DNAH8: variants seen among roughly 807,000 people sequenced by gnomAD.
DNAH8 encodes axonemal beta dynein heavy chain 8.
Under a neutral mutation model 562.1 loss-of-function variants are expected in DNAH8, and 382 were observed. The ratio of observed to expected loss-of-function variants is 0.68; its 90% CI spans 0.63 to 0.74. The LOEUF is 0.74. Ranked by LOEUF, DNAH8 falls within the 30% of genes least tolerant of loss-of-function variation. DNAH8 has a pLI of 0.00. For synonymous variants in DNAH8, 1,881 were observed against 1,919.4 expected, an observed-to-expected ratio of 0.98 and a Z score of 0.52; for missense variants, 5,203 against 5,620.4, an observed-to-expected ratio of 0.93 and a Z score of 2.37.
chr6:38,790,479 G>C (rs1769626428), intron 20 of DNAH8, 74 bp downstream of exon 20: 1 of 718,334 alleles, frequency 1.4e-6, no homozygotes, highest in African/African-American at 1.8e-5. Context: ...TATTATGAAA[G>C]CTCTTTAAAG....
At chr6:38,848,388 C>A (rs529082135) in intron 36 of DNAH8, among the ~76,000 whole-genome samples, 2 of 152,262 alleles carry the variant, frequency 1.3e-5, no homozygotes, top group South Asian at 4.1e-4. Flanking sequence ...TTTGCTGGAC[C>A]TATGCACCAT....
chr6:38,738,646 A>G (rs1469313859), intron 7 of DNAH8, among the ~76,000 whole-genome samples: 1 of 152,198 alleles, frequency 6.6e-6, no homozygotes, highest in East Asian at 1.9e-4. Context: ...ATCTTCAGTT[A>G]TGTGAGGATC....
intron 16 of DNAH8, 77 bp from the exon 17 acceptor site, chr6:38,782,927 A>AT: frequency 1.5e-6 from 2 of 1,302,640 alleles, no homozygotes; most frequent in South Asian, 1.4e-5. Flanking sequence ...ATCATTTTAC[A>AT]TATAAGTACT....
At chr6:38,807,124 G>A (rs989973289) in intron 23 of DNAH8, among the ~76,000 whole-genome samples, 1 of 152,160 alleles carries the variant, frequency 6.6e-6, no homozygotes, top group Non-Finnish European at 1.5e-5. Context: ...TGTGGAGAGA[G>A]GGTCAAACCG....
intron 62 of DNAH8, among the ~76,000 whole-genome samples, chr6:38,901,814 G>A (rs1381601055): frequency 1.3e-5 from 2 of 152,048 alleles, no homozygotes; most frequent in African/African-American, 4.8e-5. Context: ...CAAATAAGTA[G>A]GTATTAATTT....
chr6:38,802,251 GT>G (rs1249926662), intron 21 of DNAH8, among the ~76,000 whole-genome samples: 2 of 151,090 alleles, frequency 1.3e-5, no homozygotes, highest in East Asian at 3.9e-4. Flanking sequence ...TTACTTTTAC[GT>G]TTTTTTTTTA....
intron 32 of DNAH8, among the ~76,000 whole-genome samples, chr6:38,836,104 G>A (rs1490575795): frequency 1.3e-5 from 2 of 152,138 alleles, no homozygotes; most frequent in Non-Finnish European, 2.9e-5. Context: ...TCCAACTTGG[G>A]CATATTGACG....
At chr6:38,904,998 C>T (rs1247825965) in intron 62 of DNAH8, among the ~76,000 whole-genome samples, 1 of 152,138 alleles carries the variant, frequency 6.6e-6, no homozygotes, top group Non-Finnish European at 1.5e-5. Flanking sequence ...TGTGTTGTGA[C>T]TGTCTCTATG....
chr6:38,966,408 T>C (rs1454780364), intron 82 of DNAH8, among the ~76,000 whole-genome samples: 2 of 152,156 alleles, frequency 1.3e-5, no homozygotes, highest in African/African-American at 4.8e-5. Flanking sequence ...TCTAGCAAAA[T>C]TTTAAAGAAT....
chr6:38,944,872 T>C (rs1223894935), intron 79 of DNAH8, among the ~76,000 whole-genome samples: 1 of 152,178 alleles, frequency 6.6e-6, no homozygotes, highest in African/African-American at 2.4e-5. Context: ...AGATCTATTA[T>C]ATCATTTCCT....
At chr6:38,924,825 T>G (rs1583368824) in intron 73 of DNAH8, 1 of 152,324 alleles carries the variant, frequency 6.6e-6, no homozygotes, top group South Asian at 2.1e-4. Context: ...CTTATTTTCA[T>G]TATTTGCTAT....
chr6:38,751,000 A>G (rs1765401090), intron 9 of DNAH8, among the ~76,000 whole-genome samples: 1 of 152,226 alleles, frequency 6.6e-6, no homozygotes, highest in Non-Finnish European at 1.5e-5. Flanking sequence ...TATATTACTT[A>G]TACTTTGCTG....
At chr6:38,960,857 ATATTG>A (rs928924803) in intron 82 of DNAH8, among the ~76,000 whole-genome samples, 5 of 151,970 alleles carry the variant, frequency 3.3e-5, no homozygotes, top group South Asian at 2.1e-4. Context: ...TGAAATCAGT[ATATTG>A]TAGAGGTATC....
intron 3 of DNAH8, among the ~76,000 whole-genome samples, chr6:38,723,970 TTTAATTAATTAATTAATTAA>T (rs68148878): frequency 1.4e-5 from 2 of 142,300 alleles, no homozygotes; most frequent in Admixed American, 7.0e-5. Flanking sequence ...TCTTTTTAAA[TTTAATTAATTAATTAATTAA>T]TTAATTAATT....
At chr6:39,009,535 A>G (rs77463332) in intron 89 of DNAH8, among the ~76,000 whole-genome samples, 5,433 of 152,226 alleles carry the variant, frequency 0.036, 338 homozygotes, top group African/African-American at 0.12. Context: ...ACACTTATTC[A>G]TTGATTAGAA....
rs1422047699 is a variant in DNAH8 at position 38,939,013 on chromosome 6, G to A, written c.12007+25G>A. 1.9e-6 allele frequency: 3 copies of A among 1,581,690 alleles called. No homozygotes were observed. The East Asian group carries it at 6.7e-5, about 36-fold the overall frequency. On this transcript the variant is annotated intron_variant, in intron 79 of 92. Transcript: ENST00000327475. ...GGTAAAGTGTGTGGGATACAGATGT[G>A]GTGTGTGGAGGATGTTGCTTTTGAT...
Position 38,909,449 on chromosome 6 carries a change from G to T in DNAH8, c.9514-69G>T, listed in dbSNP as rs536109922. 2.1e-5 allele frequency: 31 copies of T among 1,443,372 alleles called. No individual in the cohort carries two copies. In the Middle Eastern group the frequency reaches 8.8e-4, roughly 41 times the overall value. The allele number at this position is 1,443,372 out of a possible 1,614,324, so 89.4% of individuals were successfully genotyped here. On this transcript the variant is annotated intron_variant, in intron 64 of 92. Coordinates refer to ENST00000327475, the MANE Select transcript of DNAH8 (RefSeq NM_001206927.2). ...ATGTCACACTCTTGGGTCAGATTGC[G>T]TAAATCTCTCTCTGGCTGACTTATA...
chr6:38,910,004 T>G (rs556036473), intron 65 of DNAH8, among the ~76,000 whole-genome samples: 1 of 152,250 alleles, frequency 6.6e-6, no homozygotes, highest in African/African-American at 2.4e-5. Context: ...TGAATTACTT[T>G]ATTTCATCTG....
rs546801157 is a variant in DNAH8, at chr6:38,800,484, C to T, written c.2902-2695C>T. Among the ~76,000 whole-genome samples the T allele has an allele frequency of 7.2e-5, 11 of 152,212 alleles. No homozygotes were observed. The East Asian group carries it at 1.9e-3, about 27-fold the overall frequency. On this transcript the variant is annotated intron_variant, in intron 21 of 92. Coordinates refer to ENST00000327475, the MANE Select transcript of DNAH8 (RefSeq NM_001206927.2). Reference sequence around the variant, plus strand: ...CAGGGTGGTTTTGACAAATGTTTCCCTATTAGCTAGTGATGTTGAGCATCT... The same window carrying T: ...CAGGGTGGTTTTGACAAATGTTTCCTTATTAGCTAGTGATGTTGAGCATCT...
Sources: gnomAD v4.1 joint callset for allele counts (sites outside exome capture counted in the v4.1 genomes callset) on GRCh38, gnomAD v4.1.1 for gene constraint, MANE v1.5 for transcripts, NCBI Gene and HGNC (gene_info 2026-07-23, HGNC 2026-07-21) for gene names.